Variants in ZNF780A observed in about 807,000 individuals in gnomAD.
The protein encoded by ZNF780A is zinc finger protein 780A.
Under a neutral mutation model 56.7 loss-of-function variants are expected in ZNF780A, and 40 were observed. The observed-to-expected ratio is 0.71, with a 90% CI of 0.55 to 0.92. ZNF780A has a LOEUF of 0.92. ZNF780A is among the 40% of genes least tolerant of loss of function. The probability of loss-of-function intolerance (pLI) is 0.00; values close to 1 mark genes in which losing one functional copy is unlikely to be tolerated. For missense variants in ZNF780A, 672 were observed against 783.3 expected (o/e 0.86, Z 1.70); for synonymous variants, 231 against 248.3 (o/e 0.93, Z 0.66).
At chr19:40,082,761 C>T (rs1369969784) in intron 4 of ZNF780A, among the ~76,000 whole-genome samples, 1 of 152,008 alleles carries the variant, frequency 6.6e-6, no homozygotes, top group Non-Finnish European at 1.5e-5. Flanking sequence ...AAAAACAAAC[C>T]AACAAACAGA....
Position 40,074,135 on chromosome 19 carries a change from A to G in ZNF780A, c.*381T>C. 1 of 1,361,276 alleles carries G rather than the reference A, an allele frequency of 7.3e-7. No individual in the cohort carries two copies. Among genetic ancestry groups the G allele is most frequent in the Non-Finnish European group, 9.6e-7 (1 of 1,038,056 alleles). The allele number at this position is 1,361,276 out of a possible 1,614,324, so 84.3% of individuals were successfully genotyped here. On this transcript the variant is annotated 3_prime_UTR_variant, in exon 6 of 6. Coordinates refer to ENST00000683561, the MANE Select transcript of ZNF780A (RefSeq NM_001142578.2). ...CACCAGTATGAATACTCTGATGTTG[A>G]ACAAGGTTTGAGCCACTATTGAAGG...
intron 2 of ZNF780A, among the ~76,000 whole-genome samples, chr19:40,086,393 T>A (rs1423439843): frequency 6.6e-6 from 1 of 151,952 alleles, no homozygotes; most frequent in African/African-American, 2.4e-5. Context: ...ACAAAAGAGG[T>A]TAAAGTGACT....
rs368684262 is a variant in ZNF780A, at chr19:40,083,236, C to T, written c.11G>A (p.Gly4Glu). The T allele has an allele frequency of 2.5e-6, 4 of 1,613,878 alleles. No homozygotes were observed. Among genetic ancestry groups the T allele is most frequent in the Admixed American group, 1.7e-5 (1 of 59,944 alleles). ...GGCCACATCCCTGAATGTCACTGAT[C>T]CCTGAAACCACAAACACATGTATAA... Reference protein sequence around the residue: MVHGSVTFRDVAID... With the variant: MVHESVTFRDVAID... Residue 4 changes from glycine (G) to glutamate (E), a missense_variant and splice_region_variant, in exon 4 of 6, where the codon GGA becomes GAA. Physicochemically the swap from Gly to Glu is moderately conservative, Grantham distance 98. Transcript: ENST00000683561.
intron 3 of ZNF780A, 110 bp downstream of exon 3, chr19:40,084,635 C>T: frequency 9.1e-7 from 1 of 1,099,718 alleles, no homozygotes; most frequent in Non-Finnish European, 1.3e-6. Flanking sequence ...ATGGGACAAA[C>T]TGGGGTGTAA....
chr19:40,074,526 T>A lies in ZNF780A; in HGVS notation c.1916A>T (p.Lys639Met). 1 of 1,613,954 alleles carries A rather than the reference T, an allele frequency of 6.2e-7. No homozygotes were observed. The highest frequency in any genetic ancestry group is 8.5e-7 in the Non-Finnish European group (1 of 1,179,902). The part of the protein sequence containing the change: ...NRHKNIHTGE[K>M]AS ...CCACATTCCTTACATTCAAGATGCC[T>A]TCTCACCTGTGTGAATGTTCTTATG... The change falls in exon 6 of 6, where the codon AAG becomes ATG. Residue 639 changes from lysine (K) to methionine (M), a missense_variant. By Grantham distance (95) the Lys-to-Met change is moderately conservative (BLOSUM62 -1). Coordinates refer to ENST00000683561, the MANE Select transcript of ZNF780A (RefSeq NM_001142578.2).
chr19:40,083,386 T>G, intron 3 of ZNF780A, 149 bp from the exon 4 acceptor site: 1 of 1,265,066 alleles, frequency 7.9e-7, no homozygotes, highest in Non-Finnish European at 1.1e-6. Flanking sequence ...TCCTGCTGGC[T>G]GAGTATGGTG....
chr19:40,087,799 C>T (rs943228571), intron 2 of ZNF780A, among the ~76,000 whole-genome samples: 1 of 152,080 alleles, frequency 6.6e-6, no homozygotes, highest in Admixed American at 6.6e-5. Flanking sequence ...AAGGTACTGA[C>T]ATAAAAACAG....
rs1973954995 is a variant in ZNF780A, at chr19:40,074,437, T to C, written c.*79A>G. ...CTTTCCCACACCCCTTACATTCACA[T>C]GGTTTTACACCAGCACGAATACTCT... is the stretch of plus-strand genomic sequence containing the variant. On this transcript the variant is annotated 3_prime_UTR_variant, in exon 6 of 6. Transcript: ENST00000683561. 6.3e-6 allele frequency: 10 copies of C among 1,576,546 alleles called. No homozygotes were observed. Among genetic ancestry groups the C allele is most frequent in the South Asian group, 1.2e-5 (1 of 83,722 alleles).
chr19:40,074,140 G>T lies in ZNF780A; in HGVS notation c.*376C>A. 7.3e-7 allele frequency: 1 copy of T among 1,365,208 alleles called. No homozygotes were observed. The highest frequency in any genetic ancestry group is 9.6e-7 in the Non-Finnish European group (1 of 1,040,584). 84.6% of individuals were successfully genotyped at this position (1,365,208 alleles called of 1,614,324 possible). A position where few individuals can be genotyped will look rare whatever the true frequency, so the allele number is the denominator to read the frequency against. ...GTATGAATACTCTGATGTTGAACAA[G>T]GTTTGAGCCACTATTGAAGGCCTTC... On this transcript the variant is annotated 3_prime_UTR_variant, in exon 6 of 6. Transcript: ENST00000683561.
chr19:40,072,753 A>G (rs184817914), downstream of ZNF780A: 669 of 1,328,564 alleles, frequency 5.0e-4, 5 homozygotes, highest in African/African-American at 9.4e-3. Flanking sequence ...GAGAAATAAT[A>G]AAAAACATAG....
chr19:40,089,942 A>G (rs1294823579), intron 2 of ZNF780A, among the ~76,000 whole-genome samples: 1 of 150,410 alleles, frequency 6.6e-6, no homozygotes. Context: ...GAGCTTTAAT[A>G]TTAACTACTG....
chr19:40,084,746 T>A lies in ZNF780A; in HGVS notation c.8A>T (p.His3Leu). 2 of 1,552,448 alleles carry A rather than the reference T, an allele frequency of 1.3e-6. No individual in the cohort carries two copies. Among genetic ancestry groups the A allele is most frequent in the Non-Finnish European group, 1.7e-6 (2 of 1,147,478 alleles). Residue 3 changes from histidine (H) to leucine (L), a missense_variant and splice_region_variant, in exon 3 of 6, where the codon CAT (histidine) becomes CTT (leucine). By Grantham distance (99) the His-to-Leu change is moderately conservative (BLOSUM62 -3). Coordinates refer to ENST00000683561, the MANE Select transcript of ZNF780A (RefSeq NM_001142578.2). ...GAAAAGAGAGAAATACAAACTTACA[T>A]GGACCATGTTGCTAGAATTACAAAA... Reference protein sequence around the residue: MVHGSVTFRDVAI... With the variant: MVLGSVTFRDVAI...
downstream of ZNF780A, chr19:40,070,082 T>C (rs530397989): frequency 6.6e-6 from 1 of 152,262 alleles, no homozygotes; most frequent in Non-Finnish European, 1.5e-5. Context: ...CCCAATGTCC[T>C]AATGAAAAAG....
chr19:40,082,233 T>C (rs1182861221), intron 4 of ZNF780A, among the ~76,000 whole-genome samples: 1 of 152,172 alleles, frequency 6.6e-6, no homozygotes, highest in Non-Finnish European at 1.5e-5. Context: ...GGTAAGTCAC[T>C]TAAACTCTGT....
At chr19:40,078,717 C>A (rs1056355339) in intron 5 of ZNF780A, among the ~76,000 whole-genome samples, 1 of 152,118 alleles carries the variant, frequency 6.6e-6, no homozygotes, top group African/African-American at 2.4e-5. Flanking sequence ...AAGAAATAAT[C>A]TTTCCCAGGC....
downstream of ZNF780A, chr19:40,070,585 T>C (rs1973785706): frequency 6.6e-6 from 1 of 152,238 alleles, no homozygotes; most frequent in Non-Finnish European, 1.5e-5. Flanking sequence ...GAGAAAATTC[T>C]TTTTATAAGT....
chr19:40,088,388 G>A (rs1397896246), intron 2 of ZNF780A, among the ~76,000 whole-genome samples: 1 of 152,024 alleles, frequency 6.6e-6, no homozygotes, highest in Admixed American at 6.6e-5. Context: ...CATATAAATG[G>A]CCAACAGTTT....
At chr19:40,084,918 C>T in intron 2 of ZNF780A, 120 bp from the exon 3 acceptor site, 1 of 1,192,924 alleles carries the variant, frequency 8.4e-7, no homozygotes, top group Non-Finnish European at 1.2e-6. Flanking sequence ...TTCCACCCTT[C>T]TCCCATCACT....
chr19:40,074,850 C>G lies in ZNF780A; in HGVS notation c.1592G>C (p.Cys531Ser), dbSNP rs759963567. ...ACGAAAGAATTTCCCACATTCCTTA[C>G]ATTCAAATGGTTTTTCACCTGTGTG... Reference protein sequence around the residue: ...KTHTGEKPFECKECGKFFRRG... With the variant: ...KTHTGEKPFESKECGKFFRRG... Residue 531 changes from cysteine (C) to serine (S), a missense_variant, in exon 6 of 6, where the codon TGT becomes TCT. Coordinates refer to ENST00000683561, the MANE Select transcript of ZNF780A (RefSeq NM_001142578.2). 6.2e-7 allele frequency: 1 copy of G among 1,614,216 alleles called. No individual in the cohort carries two copies. The highest frequency in any genetic ancestry group is 8.5e-7 in the Non-Finnish European group (1 of 1,180,038).
Sources: gnomAD v4.1 joint callset for allele counts (sites outside exome capture counted in the v4.1 genomes callset) on GRCh38, gnomAD v4.1.1 for gene constraint, MANE v1.5 for transcripts, NCBI Gene and HGNC (gene_info 2026-07-23, HGNC 2026-07-21) for gene names.